Variants in DNAH7 observed in about 807,000 individuals in gnomAD.
The protein encoded by DNAH7 is axonemal beta dynein heavy chain 7.
In DNAH7, 397 loss-of-function variants were observed where a neutral mutation model predicts 444.6. The ratio of observed to expected loss-of-function variants is 0.89; its 90% CI spans 0.82 to 0.97. The LOEUF is 0.97. DNAH7 is among the 50% of genes least tolerant of loss of function. The pLI is 0.00. For synonymous variants in DNAH7, 1,636 were observed against 1,624.4 expected (o/e 1.01, Z -0.17); for missense variants, 4,902 against 4,800.8 (o/e 1.02, Z -0.62).
chr2:195,978,150 G>C (rs1692326516), intron 15 of DNAH7, among the ~76,000 whole-genome samples: 1 of 151,598 alleles, frequency 6.6e-6, no homozygotes, highest in Non-Finnish European at 1.5e-5. Context: ...ATGTTAAGTA[G>C]AAAGGCAGAA....
intron 10 of DNAH7, among the ~76,000 whole-genome samples, chr2:196,007,419 T>C (rs1694443605): frequency 1.3e-5 from 2 of 152,096 alleles, no homozygotes; most frequent in Admixed American, 6.5e-5. Flanking sequence ...TAAGTTAAAA[T>C]GAATTTGGTT....
At chr2:195,754,661 C>T (rs1693985134) in intron 62 of DNAH7, 147 bp from the exon 63 acceptor site, 1 of 722,360 alleles carries the variant, frequency 1.4e-6, no homozygotes, top group Non-Finnish European at 2.2e-6. Flanking sequence ...CAGGCACATA[C>T]CACCATGCCT....
At chr2:195,740,102 G>C (rs1692906393) in intron 64 of DNAH7, among the ~76,000 whole-genome samples, 2 of 152,212 alleles carry the variant, frequency 1.3e-5, no homozygotes, top group East Asian at 3.9e-4. Context: ...TCCTGCCTCA[G>C]CCTCCCTAGT....
Position 195,845,081 on chromosome 2 carries a change from C to T in DNAH7, c.8866G>A (p.Glu2956Lys). ...DDCSLMGTLG[E>K]AVTIRTWNIA... The stretch of plus-strand genomic sequence containing the variant: ...TTCCAAGTTCGAATTGTCACAGCTT[C>T]TCCCAGGGTACCCATAAGAGAGCAA... Residue 2956 changes from glutamate to lysine, a missense_variant, in exon 47 of 65, where the codon GAA (glutamate) becomes AAA (lysine). By Grantham distance (56) the Glu-to-Lys change is moderately conservative. Coordinates refer to ENST00000312428, the MANE Select transcript of DNAH7 (RefSeq NM_018897.3). 1 of 1,613,946 alleles carries T rather than the reference C, an allele frequency of 6.2e-7. No individual in the cohort carries two copies. Among genetic ancestry groups the T allele is most frequent in the Non-Finnish European group, 8.5e-7 (1 of 1,179,904 alleles).
rs762892597 is a variant in DNAH7 at position 195,799,419 on chromosome 2, A to G, written c.10230T>C (p.Ile3410=). 2 of 1,610,414 alleles carry G rather than the reference A, an allele frequency of 1.2e-6. No homozygotes were observed. The highest frequency in any genetic ancestry group is 1.1e-5 in the South Asian group (1 of 90,146). The change falls in exon 55 of 65, where the codon ATT becomes ATC. Residue 3410 remains isoleucine, a synonymous_variant. Coordinates refer to ENST00000312428, the MANE Select transcript of DNAH7 (RefSeq NM_018897.3). ...TGGCTAAATCAAAGGGGGGTGGTTCAATGAATGCACGTCCCAATCTGTTGA... is the reference window on the plus strand; with the variant it reads ...TGGCTAAATCAAAGGGGGGTGGTTCGATGAATGCACGTCCCAATCTGTTGA... ...FIINRLGRAF[I]EPPPFDLAKA...
At chr2:195,828,190 C>A (rs1697875356) in intron 48 of DNAH7, among the ~76,000 whole-genome samples, 1 of 152,118 alleles carries the variant, frequency 6.6e-6, no homozygotes, top group South Asian at 2.1e-4. Context: ...AGTATCAAGA[C>A]AGAAAATATA....
chr2:195,843,400 T>G (rs1303023352), intron 47 of DNAH7, among the ~76,000 whole-genome samples: 1 of 152,214 alleles, frequency 6.6e-6, no homozygotes, highest in African/African-American at 2.4e-5. Flanking sequence ...TTCCCCAAAG[T>G]AAAGCTTAGT....
At chr2:195,744,383 A>C (rs1226452032) in intron 63 of DNAH7, among the ~76,000 whole-genome samples, 1 of 152,226 alleles carries the variant, frequency 6.6e-6, no homozygotes, top group Non-Finnish European at 1.5e-5. Flanking sequence ...GGTGGAGCCC[A>C]CCACAGCTCA....
At chr2:195,984,346 T>A (rs986399608) in intron 15 of DNAH7, among the ~76,000 whole-genome samples, 66 of 152,248 alleles carry the variant, frequency 4.3e-4, no homozygotes, top group African/African-American at 1.5e-3. Context: ...TTTTTATTTA[T>A]TTTATTTATT....
intron 48 of DNAH7, 88 bp downstream of exon 48, chr2:195,834,118 G>T: frequency 1.5e-6 from 2 of 1,328,098 alleles, no homozygotes; most frequent in Non-Finnish European, 2.0e-6. Context: ...GAGGTGGGAG[G>T]ATCGCTTGAA....
At chr2:195,769,373 T>A (rs1037517230) in intron 61 of DNAH7, among the ~76,000 whole-genome samples, 1 of 151,608 alleles carries the variant, frequency 6.6e-6, no homozygotes, top group Non-Finnish European at 1.5e-5. Flanking sequence ...AGCAACTCCA[T>A]CTTGGATGCC....
chr2:195,969,903 T>C, intron 17 of DNAH7, 45 bp downstream of exon 17: 1 of 1,570,514 alleles, frequency 6.4e-7, no homozygotes, highest in Non-Finnish European at 8.6e-7. Context: ...TTCAATGCTT[T>C]TTCAATTGAA....
intron 19 of DNAH7, among the ~76,000 whole-genome samples, chr2:195,949,245 T>A (rs1404184667): frequency 6.6e-6 from 1 of 152,142 alleles, no homozygotes; most frequent in African/African-American, 2.4e-5. Context: ...ACAGAGACAA[T>A]CTGACTTCCT....
At chr2:195,757,250 A>G (rs1414297776) in intron 61 of DNAH7, among the ~76,000 whole-genome samples, 3 of 152,228 alleles carry the variant, frequency 2.0e-5, no homozygotes, top group African/African-American at 4.8e-5. Context: ...ATACAGTTCT[A>G]TACTGCATTC....
chr2:195,864,228 C>T lies in DNAH7; in HGVS notation c.7427G>A (p.Ser2476Asn). The change falls in exon 41 of 65, where the codon AGT becomes AAT. Residue 2476 changes from serine (S) to asparagine (N), a missense_variant. By Grantham distance (46) the Ser-to-Asn change is conservative. Coordinates refer to ENST00000312428, the MANE Select transcript of DNAH7 (RefSeq NM_018897.3). ...ATTCCGAAATGCATCTCCAATGGGA[C>T]TCATGGCAAGGACCACATGCAGTTG... ...RSQLHVVLAM[S>N]PIGDAFRNRL... 1 of 1,614,156 alleles carries T rather than the reference C, an allele frequency of 6.2e-7. No homozygotes were observed. Among genetic ancestry groups the T allele is most frequent in the Non-Finnish European group, 8.5e-7 (1 of 1,180,016 alleles).
intron 61 of DNAH7, among the ~76,000 whole-genome samples, chr2:195,758,139 A>T (rs577023726): frequency 1.3e-5 from 2 of 152,340 alleles, no homozygotes; most frequent in Admixed American, 6.5e-5. Flanking sequence ...GAAATACATA[A>T]TCATGCTGAA....
chr2:195,855,791 T>G lies in DNAH7; in HGVS notation c.8595+20A>C. ...ACGATAACTGAGAATTTGTCCATCT[T>G]TTTCTATATCAGCACACACCTGGTT... On this transcript the variant is annotated intron_variant, in intron 45 of 64. Coordinates refer to ENST00000312428, the MANE Select transcript of DNAH7 (RefSeq NM_018897.3). 1 of 1,607,130 alleles carries G rather than the reference T, an allele frequency of 6.2e-7. No individual in the cohort carries two copies. Among genetic ancestry groups the G allele is most frequent in the Non-Finnish European group, 8.5e-7 (1 of 1,176,048 alleles).
chr2:196,036,047 T>TTC lies in DNAH7; in HGVS notation c.399-8001_399-8000insGA, dbSNP rs1553610179. ...ACATTCTTTTTTTTTTTTTTTTTTT[T>TTC]CCAGGCAGAGTTTCACTCTTGTTGC... On this transcript the variant is annotated intron_variant, in intron 5 of 64. Coordinates refer to ENST00000312428, the MANE Select transcript of DNAH7 (RefSeq NM_018897.3). Among the ~76,000 whole-genome samples, 37 of 144,344 alleles carry TTC rather than the reference T, an allele frequency of 2.6e-4. No individual in the cohort carries two copies. In the East Asian group the frequency reaches 2.6e-3, roughly 10 times the overall value. 94.7% of individuals were successfully genotyped at this position (144,344 alleles called of 152,430 possible).
rs1421339260 is a variant in DNAH7 at position 195,775,937 on chromosome 2, G to T, written c.11111C>A (p.Ala3704Glu). ...EYTKTLPLTP[A>E]PEIFGMNANA... is the part of the protein sequence containing the mutation. ...GGCATTCATCCCAAAGATTTCTGGT[G>T]CTGGGGTCAGTGGCAGAGTCTTTGT... The change falls in exon 60 of 65, where the codon GCA becomes GAA. Residue 3704 changes from alanine to glutamate, a missense_variant. Physicochemically the swap from Ala to Glu is moderately radical, Grantham distance 107. Coordinates refer to ENST00000312428, the MANE Select transcript of DNAH7 (RefSeq NM_018897.3). The T allele has an allele frequency of 6.2e-7, 1 of 1,614,198 alleles. No homozygotes were observed. Among genetic ancestry groups the T allele is most frequent in the Non-Finnish European group, 8.5e-7 (1 of 1,180,030 alleles).
Sources: allele counts gnomAD v4.1 joint callset (sites outside exome capture counted in the v4.1 genomes callset), GRCh38; gene constraint gnomAD v4.1.1; transcripts MANE v1.5; gene names NCBI Gene and HGNC (gene_info 2026-07-23, HGNC 2026-07-21).